Variants in ACOT11 observed in about 807,000 individuals in gnomAD.
The protein encoded by ACOT11 is acyl-CoA thioesterase 11.
Under a neutral mutation model 77.5 loss-of-function variants are expected in ACOT11, and 69 were observed. The ratio of observed to expected loss-of-function variants is 0.89; its 90% CI spans 0.73 to 1.09. The LOEUF is 1.09. Ranked by LOEUF, ACOT11 falls within the 50% of genes least tolerant of loss-of-function variation. ACOT11 has a pLI of 0.00. For synonymous variants in ACOT11, 279 were observed against 313.0 expected (o/e 0.89, Z 1.15); for missense variants, 766 against 813.7 (o/e 0.94, Z 0.71).
intron 15 of ACOT11, among the ~76,000 whole-genome samples, chr1:54,617,070 C>G (rs938067399): frequency 6.6e-6 from 1 of 152,186 alleles, no homozygotes; most frequent in Non-Finnish European, 1.5e-5. Flanking sequence ...GATTCTTGTT[C>G]CTGCACAAGG....
At chr1:54,561,634 G>A (rs1362135653) in intron 1 of ACOT11, among the ~76,000 whole-genome samples, 1 of 136,812 alleles carries the variant, frequency 7.3e-6, no homozygotes, top group Admixed American at 7.0e-5. Flanking sequence ...TCCCAGACAG[G>A]GTGGTGGCCG....
At chr1:54,551,216 G>A (rs1653056005) in intron 1 of ACOT11, among the ~76,000 whole-genome samples, 1 of 151,950 alleles carries the variant, frequency 6.6e-6, no homozygotes, top group African/African-American at 2.4e-5. Flanking sequence ...ACTAAACTGG[G>A]AACAGAAGAG....
intron 3 of ACOT11, among the ~76,000 whole-genome samples, chr1:54,589,871 G>A (rs1010197078): frequency 1.3e-5 from 2 of 152,116 alleles, no homozygotes; most frequent in Non-Finnish European, 2.9e-5. Context: ...GACAGATCAT[G>A]AGATCATAAG....
intron 1 of ACOT11, among the ~76,000 whole-genome samples, chr1:54,561,082 AT>A (rs1366907472): frequency 4.9e-5 from 1 of 20,224 alleles, no homozygotes; most frequent in Non-Finnish European, 1.0e-4. Context: ...CTGATTTTTT[AT>A]TTTTTTTATT....
At chr1:54,604,009 G>A (rs1643995911) in intron 11 of ACOT11, 72 bp downstream of exon 11, 11 of 1,421,878 alleles carry the variant, frequency 7.7e-6, no homozygotes, top group Non-Finnish European at 8.9e-6. Context: ...TTGTCAGAAC[G>A]GGTTTGGAGG....
intron 15 of ACOT11, among the ~76,000 whole-genome samples, chr1:54,624,125 G>T (rs1403242402): frequency 6.6e-6 from 1 of 152,156 alleles, no homozygotes; most frequent in Non-Finnish European, 1.5e-5. Flanking sequence ...GGGGGCCCTG[G>T]TATGGGAAGC....
intron 1 of ACOT11, among the ~76,000 whole-genome samples, chr1:54,573,854 A>C (rs556848627): frequency 6.6e-6 from 1 of 152,106 alleles, no homozygotes; most frequent in South Asian, 2.1e-4. Flanking sequence ...ACATGGTGAA[A>C]ACCCGTCTCT....
chr1:54,554,349 ATATT>A (rs1391628790), intron 1 of ACOT11, among the ~76,000 whole-genome samples: 4 of 79,104 alleles, frequency 5.1e-5, no homozygotes, highest in South Asian at 8.4e-4. Flanking sequence ...ATATATATAT[ATATT>A]TTTTTTTTTT....
At chr1:54,582,537 G>C (rs1053558408) in intron 1 of ACOT11, 16 of 985,202 alleles carry the variant, frequency 1.6e-5, no homozygotes, top group Non-Finnish European at 2.4e-6. Context: ...CAACAGGAAG[G>C]TAGGGACTCC....
intron 1 of ACOT11, among the ~76,000 whole-genome samples, chr1:54,576,216 G>A (rs1417750593): frequency 1.3e-5 from 2 of 152,158 alleles, no homozygotes; most frequent in East Asian, 3.9e-4. Flanking sequence ...AGACTGACAG[G>A]TGTTGGTGGA....
intron 1 of ACOT11, among the ~76,000 whole-genome samples, chr1:54,551,130 C>CAAAAAAAAAAAAAAAA (rs11367325): frequency 1.1e-5 from 1 of 90,954 alleles, no homozygotes; most frequent in Admixed American, 1.3e-4. Context: ...ACAGTGGTCT[C>CAAAAAAAAAAAAAAAA]AAAAAAAAAA....
intron 1 of ACOT11, among the ~76,000 whole-genome samples, chr1:54,576,685 T>C (rs1654128615): frequency 6.6e-6 from 1 of 152,140 alleles, no homozygotes; most frequent in Non-Finnish European, 1.5e-5. Context: ...TTAGCTATGC[T>C]TTTACTTACA....
At chr1:54,621,461 TA>T (rs757276721) in intron 15 of ACOT11, 4 of 145,796 alleles carry the variant, frequency 2.7e-5, no homozygotes, top group Admixed American at 2.7e-4. Context: ...TGTCTCAAAA[TA>T]AATAAATAAA....
chr1:54,563,568 A>G (rs758230045), intron 1 of ACOT11, among the ~76,000 whole-genome samples: 2 of 152,184 alleles, frequency 1.3e-5, no homozygotes, highest in Non-Finnish European at 2.9e-5. Flanking sequence ...GACACATGAG[A>G]TGTGGCCCCT....
intron 15 of ACOT11, among the ~76,000 whole-genome samples, chr1:54,616,327 T>C (rs1644172878): frequency 6.6e-6 from 1 of 152,034 alleles, no homozygotes; most frequent in Admixed American, 6.5e-5. Flanking sequence ...GTTTCACATT[T>C]CGATGATTTT....
chr1:54,621,559 T>C (rs1450886627), intron 15 of ACOT11: 1 of 152,238 alleles, frequency 6.6e-6, no homozygotes, highest in Non-Finnish European at 1.5e-5. Flanking sequence ...AAGGAGTTGC[T>C]GTGTGCTGAG....
rs142814457 is a variant in ACOT11, at chr1:54,616,168, G to C, written c.1629+8100G>C. ...TGACGTCAGCCTCCAGGACTGTGAT[G>C]TTGCCTGTGGAAGGGGCAACAACTC... On this transcript the variant is annotated intron_variant, in intron 15 of 16. Coordinates refer to the ACOT11 transcript ENST00000371316. 4.4e-3 allele frequency: 7,062 copies of C among 1,613,170 alleles called. 26 individuals are homozygous for C. The highest frequency in any genetic ancestry group is 5.5e-3 in the Non-Finnish European group (6,476 of 1,179,382).
At position 54,578,362 on chromosome 1, in the gene ACOT11, C is replaced by A. The variant is rs558635304; in HGVS notation, c.34-6293C>A. 4.6e-5 allele frequency among the ~76,000 whole-genome samples: 7 copies of A among 152,318 alleles called. No homozygotes were observed. The South Asian group carries it at 8.3e-4, about 18-fold the overall frequency. On this transcript the variant is annotated intron_variant, in intron 1 of 15. Transcript: ENST00000343744. ...TGTGAAAGGACCTGCATCTCCTGGA[C>A]AAACCAAGACACCTATGGCAGTGCA...
Position 54,548,292 on chromosome 1 carries a change from C to A in ACOT11, c.-18C>A. On this transcript the variant is annotated 5_prime_UTR_variant, in exon 1 of 16. Coordinates refer to ENST00000343744, the MANE Select transcript of ACOT11 (RefSeq NM_147161.4). ...TGTGTCTCTGGGAGGGCGCTGCTTT[C>A]CCCGGCCACCCGGCGCGATGATCCA... 3.1e-6 allele frequency: 5 copies of A among 1,590,246 alleles called. No individual in the cohort carries two copies. The highest frequency in any genetic ancestry group is 4.3e-6 in the Non-Finnish European group (5 of 1,168,706).
Sources: gnomAD v4.1 joint callset for allele counts (sites outside exome capture counted in the v4.1 genomes callset) on GRCh38, gnomAD v4.1.1 for gene constraint, MANE v1.5 for transcripts, NCBI Gene and HGNC (gene_info 2026-07-23, HGNC 2026-07-21) for gene names.